Variants in PAMR1 observed in about 807,000 individuals in gnomAD.
The protein encoded by PAMR1 is inactive serine protease PAMR1.
In PAMR1, 88 loss-of-function variants were observed where a neutral mutation model predicts 81.8. The ratio of observed to expected loss-of-function variants is 1.08; its 90% CI spans 0.91 to 1.28. PAMR1 has a LOEUF of 1.28. Among genes scored for constraint, PAMR1 ranks in the 50% most tolerant of loss-of-function variants. The pLI is 0.00. For missense variants in PAMR1, 935 were observed against 919.7 expected (o/e 1.02, Z -0.21); for synonymous variants, 336 against 345.3 (o/e 0.97, Z 0.30).
chr11:35,509,505 G>A (rs534296721), intron 1 of PAMR1, among the ~76,000 whole-genome samples: 16 of 152,252 alleles, frequency 1.1e-4, no homozygotes, highest in African/African-American at 1.9e-4. Flanking sequence ...ATGTTTTCCT[G>A]TATGTATGCT....
At chr11:35,523,472 C>G (rs1851323327) in intron 1 of PAMR1, among the ~76,000 whole-genome samples, 1 of 152,352 alleles carries the variant, frequency 6.6e-6, no homozygotes, top group Non-Finnish European at 1.5e-5. Flanking sequence ...TCCCCTCATT[C>G]TGTTTATGTT....
At chr11:35,455,419 C>T (rs1483173480) in intron 6 of PAMR1, among the ~76,000 whole-genome samples, 1 of 152,300 alleles carries the variant, frequency 6.6e-6, no homozygotes, top group Middle Eastern at 3.4e-3. Context: ...GGAGTAGATC[C>T]TAGCTGTGAT....
intron 3 of PAMR1, among the ~76,000 whole-genome samples, chr11:35,491,470 G>T (rs990096073): frequency 1.3e-5 from 2 of 152,182 alleles, no homozygotes; most frequent in East Asian, 3.8e-4. Context: ...TCATCATTCA[G>T]GGCACTGTCG....
At chr11:35,455,472 G>A in intron 6 of PAMR1, among the ~76,000 whole-genome samples, 1 of 152,148 alleles carries the variant, frequency 6.6e-6, no homozygotes, top group Non-Finnish European at 1.5e-5. Flanking sequence ...ATCCACCAGT[G>A]TATGCCTGTC....
At chr11:35,500,560 G>T (rs1187782665) in intron 1 of PAMR1, among the ~76,000 whole-genome samples, 1 of 152,188 alleles carries the variant, frequency 6.6e-6, no homozygotes, top group African/African-American at 2.4e-5. Context: ...GAATGAATGA[G>T]TGGTCATGAA....
chr11:35,527,736 A>G (rs1464042908), upstream of PAMR1, among the ~76,000 whole-genome samples: 1 of 151,970 alleles, frequency 6.6e-6, no homozygotes, highest in Non-Finnish European at 1.5e-5. Flanking sequence ...TACAGATTCT[A>G]CCTTCCTCAG....
Position 35,432,420 on chromosome 11 carries a change from C to G in PAMR1, c.2099G>C (p.Arg700Thr). ...CACCTTGGTGAAGGCAGTGGAGAGC[C>G]TGTGGCTGCATGTTTTATCATAGCT... ...SWSYDKTCSH[R>T]LSTAFTKVLP... is the part of the protein sequence containing the mutation. The change falls in exon 11 of 11, where the codon AGG (arginine) becomes ACG (threonine). Residue 700 changes from arginine (R) to threonine (T), a missense_variant. Transcript: ENST00000619888. The G allele has an allele frequency of 6.2e-7, 1 of 1,614,138 alleles. No homozygotes were observed. Among genetic ancestry groups the G allele is most frequent in the Non-Finnish European group, 8.5e-7 (1 of 1,180,050 alleles).
intron 1 of PAMR1, among the ~76,000 whole-genome samples, chr11:35,512,457 C>T (rs116496366): frequency 0.012 from 1,836 of 152,260 alleles, 29 homozygotes; most frequent in African/African-American, 0.042. Context: ...CAAAGCCTTG[C>T]TCTTTCCAAC....
chr11:35,479,755 G>A (rs944150084), intron 3 of PAMR1, among the ~76,000 whole-genome samples: 1 of 152,182 alleles, frequency 6.6e-6, no homozygotes, highest in Non-Finnish European at 1.5e-5. Context: ...TCTGGGGCTG[G>A]CTTCTGAATT....
chr11:35,490,938 CT>C (rs752932585), intron 3 of PAMR1, among the ~76,000 whole-genome samples: 24 of 152,194 alleles, frequency 1.6e-4, no homozygotes, highest in Admixed American at 3.3e-4. Context: ...CATTCTAGAG[CT>C]TGTATTCTGC....
At chr11:35,434,287 C>T (rs1855982159) in intron 10 of PAMR1, among the ~76,000 whole-genome samples, 1 of 151,908 alleles carries the variant, frequency 6.6e-6, no homozygotes, top group African/African-American at 2.4e-5. Flanking sequence ...ATGCCTTTGC[C>T]TCTATCTTAT....
chr11:35,434,877 A>G (rs1255986375), intron 9 of PAMR1, 73 bp from the exon 10 acceptor site: 1 of 1,448,876 alleles, frequency 6.9e-7, no homozygotes, highest in East Asian at 2.3e-5. Flanking sequence ...TCACTTAACC[A>G]GAGAGCACAA....
At chr11:35,435,696 G>A (rs943470349) in intron 9 of PAMR1, among the ~76,000 whole-genome samples, 1 of 152,076 alleles carries the variant, frequency 6.6e-6, no homozygotes, top group African/African-American at 2.4e-5. Context: ...ACCCAAGAAC[G>A]CATGCCTCTA....
intron 6 of PAMR1, among the ~76,000 whole-genome samples, chr11:35,448,988 G>A (rs1469631347): frequency 6.6e-6 from 1 of 152,192 alleles, no homozygotes; most frequent in Non-Finnish European, 1.5e-5. Context: ...CTGCAGCAAA[G>A]CAAAGATGGC....
At chr11:35,451,698 A>T (rs1011593866) in intron 6 of PAMR1, among the ~76,000 whole-genome samples, 1 of 152,186 alleles carries the variant, frequency 6.6e-6, no homozygotes, top group Admixed American at 6.5e-5. Context: ...CAATATTCAT[A>T]TATTGAAATC....
chr11:35,491,909 A>T (rs1301901072), intron 3 of PAMR1, 136 bp downstream of exon 3: 1 of 719,898 alleles, frequency 1.4e-6, no homozygotes, highest in Non-Finnish European at 2.2e-6. Flanking sequence ...CTTTGTTTTT[A>T]TAGTTTTACC....
chr11:35,449,599 G>A (rs892552075), intron 6 of PAMR1, among the ~76,000 whole-genome samples: 1 of 152,194 alleles, frequency 6.6e-6, no homozygotes, highest in Non-Finnish European at 1.5e-5. Context: ...TGAAACCGCA[G>A]TGATGGCTGC....
intron 6 of PAMR1, among the ~76,000 whole-genome samples, chr11:35,450,537 G>A (rs940013663): frequency 6.6e-6 from 1 of 152,158 alleles, no homozygotes; most frequent in African/African-American, 2.4e-5. Flanking sequence ...GGAGGAAAAG[G>A]CAGATAAAGC....
At chr11:35,522,105 G>A (rs1851295096) in intron 1 of PAMR1, among the ~76,000 whole-genome samples, 1 of 152,076 alleles carries the variant, frequency 6.6e-6, no homozygotes, top group African/African-American at 2.4e-5. Flanking sequence ...TGTATTTTTA[G>A]TAGAGACAGG....
Sources: allele counts gnomAD v4.1 joint callset (sites outside exome capture counted in the v4.1 genomes callset), GRCh38; gene constraint gnomAD v4.1.1; transcripts MANE v1.5; gene names NCBI Gene and HGNC (gene_info 2026-07-23, HGNC 2026-07-21).